MGAT3: variants seen among roughly 807,000 people sequenced by gnomAD.
The protein encoded by MGAT3 is beta-1,4-mannosyl-glycoprotein 4-beta-N-acetylglucosaminyltransferase, also known as GlcNAc-T III.
In MGAT3, 9 loss-of-function variants were observed where a neutral mutation model predicts 29.8. The observed-to-expected ratio is 0.30, with a 90% CI of 0.18 to 0.53. The LOEUF (loss-of-function observed/expected upper bound fraction) is 0.53. Among genes scored for constraint, MGAT3 ranks in the 20% least tolerant of loss-of-function variants. The pLI, the probability that MGAT3 is intolerant of heterozygous loss-of-function variation, is 0.96. For missense variants in MGAT3, 557 were observed against 769.5 expected (o/e 0.72, Z 3.27); for synonymous variants, 397 against 348.9 (o/e 1.14, Z -1.54).
chr22:39,474,521 C>T (rs1928896173), intron 1 of MGAT3, among the ~76,000 whole-genome samples: 1 of 152,208 alleles, frequency 6.6e-6, no homozygotes, highest in Non-Finnish European at 1.5e-5. Context: ...GTGCTACAGT[C>T]TTCACATCAC....
intron 1 of MGAT3, among the ~76,000 whole-genome samples, chr22:39,465,861 G>A (rs1044359998): frequency 2.6e-5 from 4 of 151,752 alleles, no homozygotes; most frequent in Non-Finnish European, 5.9e-5. Flanking sequence ...GAACCTGGGC[G>A]GCAGAAGTTG....
rs1929407216 is a variant in MGAT3 at position 39,489,930 on chromosome 22, C to G, written c.*981C>G. On this transcript the variant is annotated 3_prime_UTR_variant, in exon 2 of 2. Transcript: ENST00000341184. ...TGTGCCCTTCCTTGGGGCAGGCTGG[C>G]TGGGGGCCAGAAAGGGGCCATGAGG... 1.2e-5 allele frequency: 2 copies of G among 167,396 alleles called. No individual in the cohort carries two copies. The highest frequency in any genetic ancestry group is 4.1e-4 in the South Asian group (2 of 4,832). The allele number at this position is 167,396 out of a possible 1,614,324, so 10.4% of individuals were successfully genotyped here. A position where few individuals can be genotyped will look rare whatever the true frequency, so the allele number is the denominator to read the frequency against.
At chr22:39,468,675 G>A (rs185243675) in intron 1 of MGAT3, among the ~76,000 whole-genome samples, 8 of 152,212 alleles carry the variant, frequency 5.3e-5, no homozygotes, top group Non-Finnish European at 1.0e-4. Context: ...TGGAAGGTGC[G>A]GGTGTGTGGA....
In MGAT3 at chr22:39,457,084, G is replaced by A. The variant is rs1411045821; in HGVS notation, c.-475G>A. Among the ~76,000 whole-genome samples, 2 of 148,140 alleles carry A rather than the reference G, an allele frequency of 1.4e-5. No individual in the cohort carries two copies. Among genetic ancestry groups the A allele is most frequent in the East Asian group, 2.0e-4 (1 of 5,126 alleles). ...CGGGCGGCGCGGGGCGGCGGCGGCC[G>A]GAGTCTGCGGTGCGAGGCGCCCCCG... is the stretch of plus-strand genomic sequence containing the variant. On this transcript the variant is annotated 5_prime_UTR_variant, in exon 1 of 2. Transcript: ENST00000341184. This position sits in a 1 kb window ranked among gnomAD's most constrained non-coding sequence, Gnocchi z 6.8.
intron 1 of MGAT3, among the ~76,000 whole-genome samples, chr22:39,481,000 C>T (rs536120797): frequency 1.3e-5 from 2 of 152,046 alleles, no homozygotes; most frequent in Non-Finnish European, 2.9e-5. Flanking sequence ...TCATTCTCAG[C>T]AGAGCAGCCA....
rs542987219 is a variant in MGAT3, at chr22:39,457,093, G to C, written c.-466G>C. ...CGGGGCGGCGGCGGCCGGAGTCTGC[G>C]GTGCGAGGCGCCCCCGGCCCGGCGC... On this transcript the variant is annotated 5_prime_UTR_variant, in exon 1 of 2. Coordinates refer to ENST00000341184, the MANE Select transcript of MGAT3 (RefSeq NM_002409.5). This position sits in a 1 kb window ranked among gnomAD's most constrained non-coding sequence, Gnocchi z 6.8. Among the ~76,000 whole-genome samples the C allele has an allele frequency of 1.4e-5, 2 of 147,500 alleles. No individual in the cohort carries two copies. Among genetic ancestry groups the C allele is most frequent in the African/African-American group, 4.9e-5 (2 of 40,866 alleles).
At chr22:39,468,388 G>A (rs989561659) in intron 1 of MGAT3, among the ~76,000 whole-genome samples, 2 of 152,348 alleles carry the variant, frequency 1.3e-5, no homozygotes, top group Non-Finnish European at 2.9e-5. Flanking sequence ...ACACAGCCGT[G>A]AGCTGTGGTT....
intron 1 of MGAT3, among the ~76,000 whole-genome samples, chr22:39,479,340 C>G (rs1003638314): frequency 7.2e-5 from 11 of 152,260 alleles, no homozygotes; most frequent in African/African-American, 2.6e-4. Flanking sequence ...AAGACAAAAC[C>G]CTGTCTAAAA....
chr22:39,463,009 G>A (rs1288893636), intron 1 of MGAT3, among the ~76,000 whole-genome samples: 1 of 152,158 alleles, frequency 6.6e-6, no homozygotes, highest in Non-Finnish European at 1.5e-5. Context: ...CTTCCCAGAA[G>A]GAACAGCCCA....
chr22:39,486,945 C>T (rs1006116582), intron 1 of MGAT3, among the ~76,000 whole-genome samples: 10 of 152,210 alleles, frequency 6.6e-5, no homozygotes, highest in African/African-American at 2.4e-4. Context: ...GGAGGGCAGC[C>T]TACAGCCTGC....
chr22:39,462,716 C>T (rs367975539), intron 1 of MGAT3, among the ~76,000 whole-genome samples: 1 of 152,184 alleles, frequency 6.6e-6, no homozygotes. Flanking sequence ...GGAAGTTAAC[C>T]GACTTGTCAC....
At chr22:39,468,644 TG>T (rs1290749286) in intron 1 of MGAT3, among the ~76,000 whole-genome samples, 2 of 152,144 alleles carry the variant, frequency 1.3e-5, no homozygotes, top group Non-Finnish European at 2.9e-5. Context: ...CAGACAGGCC[TG>T]AGAGCCCTGC....
intron 1 of MGAT3, among the ~76,000 whole-genome samples, chr22:39,460,685 C>T: frequency 6.6e-6 from 1 of 152,132 alleles, no homozygotes; most frequent in East Asian, 1.9e-4. Context: ...ATAATTCCAG[C>T]TACTTGGGAG....
chr22:39,471,597 G>A (rs1190671336), intron 1 of MGAT3, among the ~76,000 whole-genome samples: 2 of 148,902 alleles, frequency 1.3e-5, no homozygotes, highest in Non-Finnish European at 3.0e-5. Context: ...ATCAGTCCTT[G>A]CCGGCCTTCC....
intron 1 of MGAT3, among the ~76,000 whole-genome samples, chr22:39,482,801 G>C (rs974710686): frequency 8.5e-5 from 13 of 152,182 alleles, no homozygotes; most frequent in Admixed American, 8.5e-4. Context: ...AGTGATGAGG[G>C]AAACATGCCC....
chr22:39,482,299 T>C (rs973951332), intron 1 of MGAT3, among the ~76,000 whole-genome samples: 2 of 152,154 alleles, frequency 1.3e-5, no homozygotes, highest in Admixed American at 1.3e-4. Context: ...TTGATGAAGC[T>C]TTGTAATGGA....
At chr22:39,481,778 G>C (rs942256324) in intron 1 of MGAT3, among the ~76,000 whole-genome samples, 1 of 152,104 alleles carries the variant, frequency 6.6e-6, no homozygotes, top group Non-Finnish European at 1.5e-5. Flanking sequence ...TCCTTCTATT[G>C]TGCAATGCTG....
intron 1 of MGAT3, chr22:39,476,791 AC>A (rs1928978831): frequency 6.6e-6 from 1 of 152,216 alleles, no homozygotes; most frequent in African/African-American, 2.4e-5. Context: ...ATGGAGACAC[AC>A]ATATCTGCGT....
chr22:39,461,173 T>G (rs1486295129), intron 1 of MGAT3, among the ~76,000 whole-genome samples: 1 of 152,162 alleles, frequency 6.6e-6, no homozygotes, highest in East Asian at 1.9e-4. Context: ...AGTGTCATAA[T>G]GGGAGCTGGT....
Sources: gnomAD v4.1 joint callset for allele counts (sites outside exome capture counted in the v4.1 genomes callset) on GRCh38, gnomAD v4.1.1 for gene constraint, Gnocchi (gnomAD v3.1) non-coding constraint, MANE v1.5 for transcripts, NCBI Gene and HGNC (gene_info 2026-07-23, HGNC 2026-07-21) for gene names.